Variants in RANBP2 observed in about 807,000 individuals in gnomAD.
RANBP2 encodes E3 SUMO-protein ligase RanBP2.
In RANBP2, 57 loss-of-function variants were observed where a neutral mutation model predicts 303.6. The observed-to-expected ratio is 0.19, with a 90% CI of 0.15 to 0.23. The LOEUF (loss-of-function observed/expected upper bound fraction) is 0.23, where lower values mean the gene tolerates loss of function less well. Among genes scored for constraint, RANBP2 ranks in the 10% least tolerant of loss-of-function variants. The pLI is 1.00. For synonymous variants in RANBP2, 1,167 were observed against 1,301.5 expected (o/e 0.90, Z 2.23); for missense variants, 3,138 against 3,780.8 (o/e 0.83, Z 4.46).
the RANBP2 span, among the ~76,000 whole-genome samples, chr2:109,401,891 G>A: frequency 6.6e-6 from 1 of 152,320 alleles, no homozygotes; most frequent in Non-Finnish European, 1.5e-5. Context: ...GGCTCCACAG[G>A]GATTAGAATT....
chr2:109,663,479 G>T, the RANBP2 span, among the ~76,000 whole-genome samples: 2 of 152,176 alleles, frequency 1.3e-5, no homozygotes, highest in African/African-American at 2.4e-5. Flanking sequence ...TCCTACTCCT[G>T]TTGGCTTCTT....
the RANBP2 span, among the ~76,000 whole-genome samples, chr2:109,005,505 T>G: frequency 1.3e-5 from 2 of 152,200 alleles, no homozygotes; most frequent in African/African-American, 4.8e-5. Context: ...CCTTCCACCC[T>G]GTCTGCAGAA....
the RANBP2 span, among the ~76,000 whole-genome samples, chr2:108,824,280 CAT>C: frequency 1.3e-5 from 2 of 152,204 alleles, no homozygotes; most frequent in East Asian, 1.9e-4. Context: ...TCATTTAAAA[CAT>C]AAATACATTG....
chr2:109,616,530 G>A, the RANBP2 span: 2 of 167,200 alleles, frequency 1.2e-5, no homozygotes, highest in African/African-American at 4.8e-5. Context: ...ACGACAGGCT[G>A]CCCCGTTTTT....
chr2:109,616,142 G>A, the RANBP2 span: 4 of 1,412,212 alleles, frequency 2.8e-6, no homozygotes, highest in Non-Finnish European at 3.7e-6. Context: ...AAGGAAGTGA[G>A]ACCAGAAGGA....
chr2:109,537,954 CACACACACAT>C, the RANBP2 span, among the ~76,000 whole-genome samples: 54 of 152,164 alleles, frequency 3.5e-4, no homozygotes, highest in East Asian at 7.3e-3. Flanking sequence ...TCTCAAAACA[CACACACACAT>C]ACACACACAC....
the RANBP2 span, among the ~76,000 whole-genome samples, chr2:109,014,988 C>T: frequency 9.2e-5 from 14 of 151,888 alleles, no homozygotes; most frequent in East Asian, 7.7e-4. Flanking sequence ...GGCGTGGTGG[C>T]ACATGCCTGT....
chr2:109,744,433 T>G, the RANBP2 span, among the ~76,000 whole-genome samples: 1 of 100,298 alleles, frequency 1.0e-5, no homozygotes, highest in African/African-American at 2.8e-5. Flanking sequence ...AGAAATTTTT[T>G]TTTTTTTTGC....
the RANBP2 span, among the ~76,000 whole-genome samples, chr2:109,073,849 T>C: frequency 6.6e-6 from 1 of 150,876 alleles, no homozygotes; most frequent in South Asian, 2.1e-4. Context: ...AGTACTTCTA[T>C]AGAAGTGTTA....
the RANBP2 span, among the ~76,000 whole-genome samples, chr2:109,521,630 C>A: frequency 6.6e-6 from 1 of 152,178 alleles, no homozygotes; most frequent in African/African-American, 2.4e-5. Flanking sequence ...CTATTTATTT[C>A]CACCCCTTTA....
At chr2:109,283,160 G>A in the RANBP2 span, among the ~76,000 whole-genome samples, 1 of 152,310 alleles carries the variant, frequency 6.6e-6, no homozygotes, top group African/African-American at 2.4e-5. Flanking sequence ...GCCCAGAAAT[G>A]CCTGTGATAG....
At chr2:109,130,992 G>A in the RANBP2 span, among the ~76,000 whole-genome samples, 1 of 152,134 alleles carries the variant, frequency 6.6e-6, no homozygotes, top group African/African-American at 2.4e-5. Flanking sequence ...TCTTTAAATG[G>A]AGAAAAGCAC....
At chr2:109,306,416 G>A in the RANBP2 span, among the ~76,000 whole-genome samples, 1 of 152,228 alleles carries the variant, frequency 6.6e-6, no homozygotes, top group African/African-American at 2.4e-5. Flanking sequence ...CGGGGCTTCC[G>A]ATTCCATCCT....
the RANBP2 span, among the ~76,000 whole-genome samples, chr2:109,419,190 T>C: frequency 6.6e-6 from 1 of 151,842 alleles, no homozygotes; most frequent in Non-Finnish European, 1.5e-5. Context: ...AAAGATTTTG[T>C]GTGGGTTTTT....
the RANBP2 span, chr2:109,614,321 C>T: frequency 4.7e-4 from 300 of 633,594 alleles, 2 homozygotes; most frequent in African/African-American, 5.3e-3. Context: ...GCGTGTCCGC[C>T]CGGGCGCGGC....
the RANBP2 span, among the ~76,000 whole-genome samples, chr2:109,628,233 C>A: frequency 6.6e-6 from 1 of 152,158 alleles, no homozygotes; most frequent in Non-Finnish European, 1.5e-5. Flanking sequence ...GTGGCTCACA[C>A]CTGTAATGCC....
chr2:109,236,505 GCATTGTA>G, the RANBP2 span, among the ~76,000 whole-genome samples: 1 of 152,286 alleles, frequency 6.6e-6, no homozygotes, highest in African/African-American at 2.4e-5. Context: ...TTGGGTCAGT[GCATTGTA>G]GGAAATAAAT....
At chr2:109,572,221 C>T in the RANBP2 span, among the ~76,000 whole-genome samples, 1 of 152,076 alleles carries the variant, frequency 6.6e-6, no homozygotes, top group Non-Finnish European at 1.5e-5. Flanking sequence ...AGCTCTGCCT[C>T]CTGGGTTCAT....
intron 7 of RANBP2, among the ~76,000 whole-genome samples, chr2:108,745,834 A>G (rs1381426107): frequency 2.0e-5 from 3 of 151,410 alleles, no homozygotes; most frequent in African/African-American, 7.3e-5. Flanking sequence ...TAAATTTTCC[A>G]TTTCTCTGAA....
Sources: gnomAD v4.1 joint callset for allele counts (sites outside exome capture counted in the v4.1 genomes callset) on GRCh38, gnomAD v4.1.1 for gene constraint, MANE v1.5 for transcripts, NCBI Gene and HGNC (gene_info 2026-07-23, HGNC 2026-07-21) for gene names.